Variants in MAN1C1 observed in about 807,000 individuals in gnomAD.
MAN1C1 encodes the protein mannosyl-oligosaccharide 1,2-alpha-mannosidase IC.
In MAN1C1, 49 loss-of-function variants were observed where a neutral mutation model predicts 71.5. The ratio of observed to expected loss-of-function variants is 0.69; its 90% CI spans 0.54 to 0.87. The LOEUF (loss-of-function observed/expected upper bound fraction) is 0.87. MAN1C1 is among the 40% of genes least tolerant of loss of function. The pLI is 0.00. For synonymous variants in MAN1C1, 352 were observed against 343.7 expected (o/e 1.02, Z -0.27); for missense variants, 743 against 835.0 (o/e 0.89, Z 1.36).
chr1:25,711,482 C>G lies in MAN1C1; in HGVS notation c.637+24946C>G, dbSNP rs115783729. On this transcript the variant is annotated intron_variant, in intron 2 of 11. Coordinates refer to ENST00000374332, the MANE Select transcript of MAN1C1 (RefSeq NM_020379.4). This position sits in a 1 kb window ranked among gnomAD's most constrained non-coding sequence, Gnocchi z 4.3. The stretch of plus-strand genomic sequence containing the variant: ...TCTCCTCAGGCCAAAGCTGGACATG[C>G]CTTTCCTGGGTTTGAGATAAATGGA... Among the ~76,000 whole-genome samples the G allele has an allele frequency of 0.014, 2,160 of 152,312 alleles. 44 individuals are homozygous for G. The highest frequency in any genetic ancestry group is 0.048 in the African/African-American group (2,016 of 41,570).
chr1:25,661,856 AT>A (rs2045854253), intron 1 of MAN1C1, among the ~76,000 whole-genome samples: 1 of 152,222 alleles, frequency 6.6e-6, no homozygotes, highest in South Asian at 2.1e-4. Flanking sequence ...TCCCTCATCT[AT>A]TTGTTTTGCA....
At chr1:25,632,591 T>G (rs1415045008) in intron 1 of MAN1C1, among the ~76,000 whole-genome samples, 9 of 152,170 alleles carry the variant, frequency 5.9e-5, no homozygotes, top group Admixed American at 5.9e-4. Flanking sequence ...TAACATTAGG[T>G]TGTCAATTTG....
At chr1:25,628,728 A>G (rs1024001311) in intron 1 of MAN1C1, among the ~76,000 whole-genome samples, 1 of 152,200 alleles carries the variant, frequency 6.6e-6, no homozygotes, top group South Asian at 2.1e-4. Flanking sequence ...GATTGTACTC[A>G]GTATATAGGA....
intron 2 of MAN1C1, among the ~76,000 whole-genome samples, chr1:25,699,029 G>A (rs1205472513): frequency 6.6e-6 from 1 of 151,734 alleles, no homozygotes; most frequent in Non-Finnish European, 1.5e-5. Context: ...ATGAAAGGCT[G>A]GGCGCAGTGC....
rs140562080 is a variant in MAN1C1, at chr1:25,714,899, A to G, written c.637+28363A>G. Among the ~76,000 whole-genome samples the G allele has an allele frequency of 7.6e-3, 1,160 of 152,286 alleles. 13 individuals are homozygous for G. Among genetic ancestry groups the G allele is most frequent in the African/African-American group, 0.025 (1,046 of 41,552 alleles). On this transcript the variant is annotated intron_variant, in intron 2 of 11. Coordinates refer to ENST00000374332, the MANE Select transcript of MAN1C1 (RefSeq NM_020379.4). Reference sequence around the variant, plus strand: ...GTGACATTGACCCTCAAGGTCAACTATGTTAGTCTGCACTCTCCAGTTTGC... The same window carrying G: ...GTGACATTGACCCTCAAGGTCAACTGTGTTAGTCTGCACTCTCCAGTTTGC...
intron 8 of MAN1C1, 81 bp downstream of exon 8, chr1:25,771,853 C>A: frequency 9.2e-7 from 1 of 1,092,812 alleles, no homozygotes; most frequent in Non-Finnish European, 1.4e-6. Flanking sequence ...GTGCTGCGGG[C>A]AGCGGGGCCA....
Position 25,617,963 on chromosome 1 carries a change from C to T in MAN1C1, c.166C>T (p.Pro56Ser), listed in dbSNP as rs2982320. Reference sequence around the variant, plus strand: ...TCGCCTCAAGCGCCTCTTCCTGGCCCCCCGGACCCAGCAGCCTGGTCTGGA... The same window carrying T: ...TCGCCTCAAGCGCCTCTTCCTGGCCTCCCGGACCCAGCAGCCTGGTCTGGA... Reference protein sequence around the residue: ...SSRLKRLFLAPRTQQPGLEVV... With the variant: ...SSRLKRLFLASRTQQPGLEVV... Residue 56 changes from proline (P) to serine (S), a missense_variant, in exon 1 of 12, where the codon CCC becomes TCC. Physicochemically the swap from Pro to Ser is moderately conservative, Grantham distance 74. Coordinates refer to ENST00000374332, the MANE Select transcript of MAN1C1 (RefSeq NM_020379.4). The surrounding 1 kb of genome is among the most constrained non-coding windows in gnomAD (Gnocchi z 5.1). 29 of 1,608,724 alleles carry T rather than the reference C, an allele frequency of 1.8e-5. No individual in the cohort carries two copies. The highest frequency in any genetic ancestry group is 9.0e-5 in the East Asian group (4 of 44,336).
At chr1:25,709,158 T>C (rs1241948981) in intron 2 of MAN1C1, among the ~76,000 whole-genome samples, 1 of 152,016 alleles carries the variant, frequency 6.6e-6, no homozygotes, top group Non-Finnish European at 1.5e-5. Context: ...GTTTTCCTAT[T>C]TGAGAAGTGA....
intron 1 of MAN1C1, among the ~76,000 whole-genome samples, chr1:25,624,783 T>C (rs576731295): frequency 6.6e-6 from 1 of 152,316 alleles, no homozygotes; most frequent in East Asian, 1.9e-4. Context: ...TTAAGCATCA[T>C]GCTAAACACA....
chr1:25,774,919 T>C (rs1204439163), intron 8 of MAN1C1, among the ~76,000 whole-genome samples: 3 of 152,236 alleles, frequency 2.0e-5, no homozygotes, highest in Non-Finnish European at 4.4e-5. Flanking sequence ...CAGCCTGCAC[T>C]GTCTTGTGTT....
intron 2 of MAN1C1, among the ~76,000 whole-genome samples, chr1:25,712,071 T>G (rs1377233940): frequency 6.6e-6 from 1 of 152,182 alleles, no homozygotes; most frequent in Non-Finnish European, 1.5e-5. Context: ...CTACTTATTT[T>G]GCAGTCATAA....
rs140616480 is a variant in MAN1C1, at chr1:25,627,251, T to TTTCTCTTCTC, written c.540+8932_540+8941dup. 6.3e-3 allele frequency among the ~76,000 whole-genome samples: 955 copies of TTTCTCTTCTC among 151,618 alleles called. 11 individuals carry two copies. The highest frequency in any genetic ancestry group is 0.014 in the East Asian group (74 of 5,140). ...TTTATCTTTTATGTCATTCCATTCT[T>TTTCTCTTCTC]TTCTCTTCTCTTCTCTTCTCTTCTC... On this transcript the variant is annotated intron_variant, in intron 1 of 11. Coordinates refer to ENST00000374332, the MANE Select transcript of MAN1C1 (RefSeq NM_020379.4).
At chr1:25,768,070 CACA>C (rs2047473010) in intron 7 of MAN1C1, among the ~76,000 whole-genome samples, 1 of 37,356 alleles carries the variant, frequency 2.7e-5, no homozygotes, top group African/African-American at 9.7e-5. Flanking sequence ...CACACACACA[CACA>C]CTCCCCCCCA....
chr1:25,663,090 CA>C (rs901494505), intron 1 of MAN1C1, among the ~76,000 whole-genome samples: 9 of 137,674 alleles, frequency 6.5e-5, no homozygotes, highest in African/African-American at 5.4e-5. Context: ...GACTCCATCT[CA>C]AAAAAAAAAT....
At chr1:25,768,544 C>T (rs1417692987) in intron 7 of MAN1C1, among the ~76,000 whole-genome samples, 2 of 103,052 alleles carry the variant, frequency 1.9e-5, no homozygotes, top group African/African-American at 3.5e-5. Flanking sequence ...CCCTCACACA[C>T]ACCACACACA....
intron 7 of MAN1C1, among the ~76,000 whole-genome samples, chr1:25,771,229 T>C (rs1044490218): frequency 6.6e-6 from 1 of 152,262 alleles, no homozygotes; most frequent in Non-Finnish European, 1.5e-5. Flanking sequence ...AAGGTTTTTC[T>C]TCCTCTTTCC....
chr1:25,681,614 AC>A (rs754225860), intron 1 of MAN1C1, among the ~76,000 whole-genome samples: 2 of 152,228 alleles, frequency 1.3e-5, no homozygotes, highest in Non-Finnish European at 2.9e-5. Flanking sequence ...CTGAGGACAG[AC>A]GTCTAAGACC....
At chr1:25,661,602 A>T (rs2045850125) in intron 1 of MAN1C1, among the ~76,000 whole-genome samples, 1 of 152,096 alleles carries the variant, frequency 6.6e-6, no homozygotes, top group Admixed American at 6.5e-5. Context: ...CTGAGCAGAG[A>T]TGTGTGCATA....
At chr1:25,682,996 C>T (rs1557763637) in intron 1 of MAN1C1, among the ~76,000 whole-genome samples, 1 of 151,596 alleles carries the variant, frequency 6.6e-6, no homozygotes, top group East Asian at 1.9e-4. Flanking sequence ...TGAGATTTCG[C>T]CACCGCACTC....
Sources: gnomAD v4.1 joint callset for allele counts (sites outside exome capture counted in the v4.1 genomes callset) on GRCh38, gnomAD v4.1.1 for gene constraint, Gnocchi (gnomAD v3.1) non-coding constraint, MANE v1.5 for transcripts, NCBI Gene and HGNC (gene_info 2026-07-23, HGNC 2026-07-21) for gene names.